The following RFC1 variants were observed in gnomAD, a reference collection of about 807,000 sequenced individuals.
RFC1 encodes the protein replication factor C subunit 1.
A neutral mutation model predicts 137.4 loss-of-function variants in RFC1; 37 were observed. The observed-to-expected ratio is 0.27, with a 90% CI of 0.21 to 0.35. The LOEUF (loss-of-function observed/expected upper bound fraction) is 0.35. RFC1 is among the 10% of genes least tolerant of loss of function. The pLI is 1.00. For missense variants in RFC1, 1,205 were observed against 1,358.5 expected, an observed-to-expected ratio of 0.89 and a Z score of 1.78; for synonymous variants, 429 against 455.7, an observed-to-expected ratio of 0.94 and a Z score of 0.75.
chr4:39,325,706 A>G (rs1739728793), intron 6 of RFC1, among the ~76,000 whole-genome samples: 1 of 152,044 alleles, frequency 6.6e-6, no homozygotes, highest in African/African-American at 2.4e-5. Context: ...TTCTTCCCTC[A>G]CACCTTACAT....
Position 39,351,453 on chromosome 4 carries a change from T to C in RFC1, c.27A>G (p.Val9=). ...TTACAAGTTTCTTTCCACTTGGTAT[T>C]ACTCCAAAGAATTTCCGAATGTCCT... The part of the protein sequence containing the change: MDIRKFFG[V]IPSGKKLVSE... The change falls in exon 2 of 25, where the codon GTA becomes GTG. Residue 9 remains valine (V), a synonymous_variant. Coordinates refer to ENST00000349703, the MANE Select transcript of RFC1 (RefSeq NM_002913.5). 1 of 1,567,784 alleles carries C rather than the reference T, an allele frequency of 6.4e-7. No homozygotes were observed. Among genetic ancestry groups the C allele is most frequent in the East Asian group, 2.3e-5 (1 of 43,590 alleles).
At chr4:39,305,963 T>G (rs1219813409) in intron 14 of RFC1, among the ~76,000 whole-genome samples, 1 of 152,218 alleles carries the variant, frequency 6.6e-6, no homozygotes, top group Admixed American at 6.5e-5. Flanking sequence ...CACAAGCTTA[T>G]GCAGCAGAGG....
intron 2 of RFC1, among the ~76,000 whole-genome samples, chr4:39,345,777 C>T (rs975121880): frequency 1.3e-5 from 2 of 152,218 alleles, no homozygotes; most frequent in East Asian, 1.9e-4. Flanking sequence ...TTTGCATCCC[C>T]GCCCCCCAGA....
intron 3 of RFC1, 132 bp from the exon 4 acceptor site, chr4:39,342,599 G>GAA: frequency 3.5e-6 from 3 of 850,406 alleles, no homozygotes; most frequent in Non-Finnish European, 5.3e-6. Context: ...AATTCTCACA[G>GAA]GTTACTTTTA....
chr4:39,315,002 A>G (rs1739169494), intron 10 of RFC1, among the ~76,000 whole-genome samples: 1 of 152,118 alleles, frequency 6.6e-6, no homozygotes, highest in African/African-American at 2.4e-5. Flanking sequence ...TCCACTTTCC[A>G]TTCTAGCTAG....
chr4:39,357,749 T>C (rs1484030967), intron 1 of RFC1, among the ~76,000 whole-genome samples: 1 of 151,990 alleles, frequency 6.6e-6, no homozygotes, highest in Non-Finnish European at 1.5e-5. Flanking sequence ...CCCAAGTAGC[T>C]GGGATTACAG....
At chr4:39,309,940 T>C (rs1160770305) in intron 12 of RFC1, among the ~76,000 whole-genome samples, 2 of 152,152 alleles carry the variant, frequency 1.3e-5, no homozygotes, top group Non-Finnish European at 2.9e-5. Flanking sequence ...GCCAAGACAG[T>C]TATCGATTAC....
intron 12 of RFC1, among the ~76,000 whole-genome samples, chr4:39,310,262 C>T (rs913756961): frequency 6.6e-6 from 1 of 152,132 alleles, no homozygotes; most frequent in African/African-American, 2.4e-5. Flanking sequence ...GAAATGTCAT[C>T]GACGGGAGAA....
intron 1 of RFC1, among the ~76,000 whole-genome samples, chr4:39,353,410 AAAAAAAAAAATT>A (rs1304632260): frequency 1.3e-5 from 2 of 150,916 alleles, no homozygotes; most frequent in African/African-American, 4.9e-5. Context: ...AAAAAAAAAA[AAAAAAAAAAATT>A]AAAAAAAAAG....
In RFC1 at chr4:39,288,654, A is replaced by G; in HGVS notation, c.*107T>C. 1 of 733,494 alleles carries G rather than the reference A, an allele frequency of 1.4e-6. No homozygotes were observed. The highest frequency in any genetic ancestry group is 1.6e-5 in the South Asian group (1 of 61,046). 45.4% of individuals were successfully genotyped at this position (733,494 alleles called of 1,614,324 possible). On this transcript the variant is annotated 3_prime_UTR_variant, in exon 25 of 25. Transcript: ENST00000349703. ...TTATAATGGGACACCAGGTCATCCC[A>G]TTATGCTAAAACATGGTTGCTCTGG...
Position 39,320,496 on chromosome 4 carries a change from T to G in RFC1, c.982A>C (p.Ser328Arg), listed in dbSNP as rs1168146563. 8.7e-6 allele frequency: 14 copies of G among 1,611,048 alleles called. No homozygotes were observed. The highest frequency in any genetic ancestry group is 1.2e-5 in the Non-Finnish European group (14 of 1,179,288). The change falls in exon 9 of 25, where the codon AGC becomes CGC. Residue 328 changes from serine to arginine, a missense_variant. By Grantham distance (110) the Ser-to-Arg change is moderately radical. This residue lies in a region of RFC1 where 962 missense variants were observed against 1,035.3 expected (regional missense o/e 0.93). Coordinates refer to ENST00000349703, the MANE Select transcript of RFC1 (RefSeq NM_002913.5). ...KLAIMKRKEE[S>R]SYKEIEPVAS... is the part of the protein sequence containing the mutation. ...ACAGGCTCTATTTCTTTATAAGAGCTCTCTTCTTTTCTTTTCATAATTGCC... is the reference window on the plus strand; with the variant it reads ...ACAGGCTCTATTTCTTTATAAGAGCGCTCTTCTTTTCTTTTCATAATTGCC...
chr4:39,296,884 T>C lies in RFC1; in HGVS notation c.2809-1125A>G, dbSNP rs201999538. 1.4e-3 allele frequency among the ~76,000 whole-genome samples: 218 copies of C among 151,202 alleles called. 3 individuals carry two copies. The East Asian group carries it at 0.038, about 27-fold the overall frequency. On this transcript the variant is annotated intron_variant, in intron 21 of 24. Coordinates refer to ENST00000349703, the MANE Select transcript of RFC1 (RefSeq NM_002913.5). ...AGTCCCACCAACAATGTAAAAGTGT[T>C]CCTATTTCTCCACATCCTCTCCAGC...
Position 39,300,424 on chromosome 4 carries a change from G to A in RFC1, c.2536-10C>T, listed in dbSNP as rs766178645. On this transcript the variant is annotated splice_polypyrimidine_tract_variant and intron_variant, in intron 19 of 24. Transcript: ENST00000349703. Reference sequence around the variant, plus strand: ...CAACATCAAATGGGCCCTGAAAAAAGAGAGGGACACACCTATTAGAATGGC... The same window carrying A: ...CAACATCAAATGGGCCCTGAAAAAAAAGAGGGACACACCTATTAGAATGGC... 3.1e-6 allele frequency: 5 copies of A among 1,612,052 alleles called. No homozygotes were observed. Among genetic ancestry groups the A allele is most frequent in the South Asian group, 2.2e-5 (2 of 90,962 alleles).
chr4:39,302,865 C>A lies in RFC1; in HGVS notation c.2212G>T (p.Gly738Cys). The change falls in exon 17 of 25, where the codon GGC becomes TGC. Residue 738 changes from glycine to cysteine, a missense_variant. Physicochemically the swap from Gly to Cys is radical, Grantham distance 159. Coordinates refer to ENST00000349703, the MANE Select transcript of RFC1 (RefSeq NM_002913.5). Reference sequence around the variant, plus strand: ...GGAATTTTAGTATGTTTTATCAGGCCAATTAATTCCTGAAAGGCAAGTTTG... The same window carrying A: ...GGAATTTTAGTATGTTTTATCAGGCAAATTAATTCCTGAAAGGCAAGTTTG... ...EDRGGIQELI[G>C]LIKHTKIPII... is the part of the protein sequence containing the mutation. 3.8e-6 allele frequency: 6 copies of A among 1,577,316 alleles called. No homozygotes were observed. The highest frequency in any genetic ancestry group is 5.2e-6 in the Non-Finnish European group (6 of 1,164,806).
At chr4:39,353,661 T>C (rs1362909853) in intron 1 of RFC1, among the ~76,000 whole-genome samples, 2 of 152,200 alleles carry the variant, frequency 1.3e-5, no homozygotes, top group Non-Finnish European at 2.9e-5. Flanking sequence ...TTATTGCTTC[T>C]GGAGCAAATG....
At chr4:39,355,096 A>ATACACACAC (rs59993299) in intron 1 of RFC1, among the ~76,000 whole-genome samples, 1,226 of 59,914 alleles carry the variant, frequency 0.02, 9 homozygotes, top group Middle Eastern at 0.047. Context: ...AAAAAAAAAA[A>ATACACACAC]ATACACACAC....
rs570017891 is a variant in RFC1, at chr4:39,336,500, T to C, written c.331+5845A>G. On this transcript the variant is annotated intron_variant, in intron 4 of 24. Coordinates refer to ENST00000349703, the MANE Select transcript of RFC1 (RefSeq NM_002913.5). ...TTATCAGACTAGTAGGTGAAATGAA[T>C]ACTAAAAATGATATCTGGACTTAAA... Among the ~76,000 whole-genome samples the C allele has an allele frequency of 1.2e-4, 18 of 152,320 alleles. 1 individual carries two copies. The South Asian group carries it at 3.7e-3, about 32-fold the overall frequency.
intron 1 of RFC1, among the ~76,000 whole-genome samples, chr4:39,355,666 G>A (rs1741436588): frequency 6.6e-6 from 1 of 152,156 alleles, no homozygotes; most frequent in Non-Finnish European, 1.5e-5. Flanking sequence ...AAGGATGTGG[G>A]GAAACAGATG....
At chr4:39,299,957 T>C (rs1738258079) in intron 21 of RFC1, 64 bp downstream of exon 21, 1 of 928,206 alleles carries the variant, frequency 1.1e-6, no homozygotes, top group African/African-American at 1.7e-5. Flanking sequence ...GTACAGCAGC[T>C]AAAAGCTATT....
Sources: allele counts gnomAD v4.1 joint callset (sites outside exome capture counted in the v4.1 genomes callset), GRCh38; gene constraint gnomAD v4.1.1; regional missense constraint gnomAD v4.1.1; transcripts MANE v1.5; gene names NCBI Gene and HGNC (gene_info 2026-07-23, HGNC 2026-07-21).